Variants in WWOX observed in about 807,000 individuals in gnomAD.
WWOX encodes the protein WW domain containing oxidoreductase.
WWOX carries 69 observed loss-of-function variants against 46.2 expected under a neutral mutation model. The ratio of observed to expected loss-of-function variants is 1.49; its 90% CI spans 1.23 to 1.82. The LOEUF is 1.82. Ranked by LOEUF, WWOX falls within the 40% of genes most tolerant of loss-of-function variation. The probability of loss-of-function intolerance (pLI) is 0.00; values close to 1 mark genes in which losing one functional copy is unlikely to be tolerated. For synonymous variants in WWOX, 359 were observed against 202.6 expected, an observed-to-expected ratio of 1.77 and a Z score of -6.56; for missense variants, 919 against 542.6, an observed-to-expected ratio of 1.69 and a Z score of -6.89.
At chr16:78,619,387 C>G (rs1292924025) in intron 8 of WWOX, among the ~76,000 whole-genome samples, 2 of 130,522 alleles carry the variant, frequency 1.5e-5, no homozygotes, top group Non-Finnish European at 3.2e-5. Flanking sequence ...AAGTGTAATG[C>G]AAGTAGAAAA....
chr16:78,132,360 T>C (rs1024424824), intron 4 of WWOX, among the ~76,000 whole-genome samples: 19 of 152,122 alleles, frequency 1.2e-4, no homozygotes, highest in African/African-American at 4.6e-4. Flanking sequence ...CAATTATGCA[T>C]CTTCTGAGTA....
In WWOX at chr16:78,465,947, A is replaced by T. The variant is rs533116060; in HGVS notation, c.1056+33195A>T. On this transcript the variant is annotated intron_variant, in intron 8 of 8. Transcript: ENST00000566780. ...ATATGCAGAGTAGGCAAATTCATAA[A>T]GACAGAATACGCATCGGTGGTTTCT... 3.0e-4 allele frequency among the ~76,000 whole-genome samples: 46 copies of T among 152,328 alleles called. No homozygotes were observed. The South Asian group carries it at 9.3e-3, about 31-fold the overall frequency.
intron 5 of WWOX, chr16:78,267,269 A>G (rs962834261): frequency 2.0e-5 from 3 of 152,230 alleles, no homozygotes; most frequent in African/African-American, 7.2e-5. Context: ...AAAGGGGAGA[A>G]ATACTTTTTA....
In WWOX at chr16:78,863,933, C is replaced by G. The variant is rs527874943; in HGVS notation, c.1057-347675C>G. Among the ~76,000 whole-genome samples the G allele has an allele frequency of 5.9e-5, 9 of 152,144 alleles. No homozygotes were observed. In the South Asian group the frequency reaches 1.7e-3, roughly 28 times the overall value. Reference sequence around the variant, plus strand: ...AGCCACAGTTGTAGCATGTCCATCTCTCTTTGTGTGGCTGAATATCATTGC... The same window carrying G: ...AGCCACAGTTGTAGCATGTCCATCTGTCTTTGTGTGGCTGAATATCATTGC... On this transcript the variant is annotated intron_variant, in intron 8 of 8. Coordinates refer to ENST00000566780, the MANE Select transcript of WWOX (RefSeq NM_016373.4).
chr16:78,825,353 C>G, intron 8 of WWOX: 1 of 290,858 alleles, frequency 3.4e-6, no homozygotes, highest in Non-Finnish European at 7.0e-6. Context: ...GAATCAGTTT[C>G]TTACTCCGGA....
chr16:78,738,006 T>G (rs1004105867), intron 8 of WWOX, among the ~76,000 whole-genome samples: 1 of 152,170 alleles, frequency 6.6e-6, no homozygotes, highest in Non-Finnish European at 1.5e-5. Context: ...AGCAGGGGTT[T>G]CCCTGTCAGA....
Position 78,292,048 on chromosome 16 carries a change from G to T in WWOX, c.517-94812G>T, listed in dbSNP as rs142842081. Among the ~76,000 whole-genome samples the T allele has an allele frequency of 2.5e-4, 38 of 150,768 alleles. No homozygotes were observed. In the East Asian group the frequency reaches 7.3e-3, roughly 29 times the overall value. On this transcript the variant is annotated intron_variant, in intron 5 of 8. Transcript: ENST00000566780. ...CTGTTTTTTGTATGGCTTATGAGAT[G>T]AGGATGATTTTTACCTTTTTTTTTT...
rs201608857 is a variant in WWOX at position 78,325,910 on chromosome 16, A to AT, written c.517-60949dup. Among the ~76,000 whole-genome samples, 5 of 152,388 alleles carry AT rather than the reference A, an allele frequency of 3.3e-5. No homozygotes were observed. The East Asian group carries it at 9.6e-4, about 29-fold the overall frequency. On this transcript the variant is annotated intron_variant, in intron 5 of 8. Coordinates refer to ENST00000566780, the MANE Select transcript of WWOX (RefSeq NM_016373.4). ...AGTTAATCAAATTAAAGGCTATGAA[A>AT]TGATGCCCACTGTGGATCCTGTGCC...
intron 8 of WWOX, among the ~76,000 whole-genome samples, chr16:79,068,667 C>T (rs2048487492): frequency 6.6e-6 from 1 of 151,632 alleles, no homozygotes; most frequent in Non-Finnish European, 1.5e-5. Flanking sequence ...AAAAATTAGC[C>T]AGGCGTGGGG....
Position 78,246,845 on chromosome 16 carries a change from G to A in WWOX, c.516+82556G>A, listed in dbSNP as rs891984775. Among the ~76,000 whole-genome samples, 11 of 151,992 alleles carry A rather than the reference G, an allele frequency of 7.2e-5. 1 individual carries two copies. The highest frequency in any genetic ancestry group is 3.9e-4 in the East Asian group (2 of 5,154). ...GTGCGAGCAATTGATCAGCTGATGAGGGGTATTTATTATCTGTCCCTGACT... is the reference window on the plus strand; with the variant it reads ...GTGCGAGCAATTGATCAGCTGATGAAGGGTATTTATTATCTGTCCCTGACT... On this transcript the variant is annotated intron_variant, in intron 5 of 8. Transcript: ENST00000566780.
intron 8 of WWOX, among the ~76,000 whole-genome samples, chr16:78,679,657 C>A (rs957499070): frequency 1.3e-5 from 2 of 152,218 alleles, no homozygotes; most frequent in African/African-American, 4.8e-5. Flanking sequence ...ATTCCTGTTT[C>A]CTTGCCAGGA....
intron 8 of WWOX, among the ~76,000 whole-genome samples, chr16:79,173,107 A>C (rs1044908437): frequency 6.6e-6 from 1 of 152,220 alleles, no homozygotes; most frequent in Non-Finnish European, 1.5e-5. Flanking sequence ...CTTTCCCAAC[A>C]TAAAATCCAT....
In WWOX at chr16:78,187,334, A is replaced by G. The variant is rs1567619285; in HGVS notation, c.516+23045A>G. On this transcript the variant is annotated intron_variant, in intron 5 of 8. Transcript: ENST00000566780. ...TCAAGGAACTTAGTCTTTGAGGCCAAGCACGGTGGCTCATGTCTGTAATCC... is the reference window on the plus strand; with the variant it reads ...TCAAGGAACTTAGTCTTTGAGGCCAGGCACGGTGGCTCATGTCTGTAATCC... 5.9e-5 allele frequency among the ~76,000 whole-genome samples: 9 copies of G among 152,244 alleles called. 1 individual carries two copies. In the South Asian group the frequency reaches 1.9e-3, roughly 32 times the overall value.
At chr16:78,125,925 T>G (rs2033340661) in intron 4 of WWOX, among the ~76,000 whole-genome samples, 1 of 152,020 alleles carries the variant, frequency 6.6e-6, no homozygotes, top group African/African-American at 2.4e-5. Flanking sequence ...TTATGGAAAA[T>G]TTAGAAAGCG....
At chr16:78,900,117 T>A (rs2044792869) in intron 8 of WWOX, among the ~76,000 whole-genome samples, 1 of 151,804 alleles carries the variant, frequency 6.6e-6, no homozygotes, top group Admixed American at 6.6e-5. Flanking sequence ...CTATTTTATT[T>A]CTTTATTACT....
At chr16:78,921,013 TG>T (rs2045365892) in intron 8 of WWOX, among the ~76,000 whole-genome samples, 1 of 152,184 alleles carries the variant, frequency 6.6e-6, no homozygotes, top group Non-Finnish European at 1.5e-5. Context: ...GCTGTTTGCT[TG>T]ATATTAAGCT....
intron 5 of WWOX, among the ~76,000 whole-genome samples, chr16:78,286,009 C>G (rs1030080864): frequency 6.6e-6 from 1 of 152,166 alleles, no homozygotes; most frequent in Non-Finnish European, 1.5e-5. Context: ...ACTCTTTTGC[C>G]ACCTTTTTGG....
intron 4 of WWOX, among the ~76,000 whole-genome samples, chr16:78,127,039 A>G (rs2033391368): frequency 6.6e-6 from 1 of 152,208 alleles, no homozygotes. Context: ...GCAAGTTTCT[A>G]TCTGGAAAGA....
At chr16:78,750,654 C>G (rs141289101) in intron 8 of WWOX, among the ~76,000 whole-genome samples, 6 of 151,990 alleles carry the variant, frequency 3.9e-5, no homozygotes, top group South Asian at 2.1e-4. Context: ...CCTAGTCCCC[C>G]CTTTTGAAGT....
Sources: allele counts gnomAD v4.1 joint callset (sites outside exome capture counted in the v4.1 genomes callset), GRCh38; gene constraint gnomAD v4.1.1; transcripts MANE v1.5; gene names NCBI Gene and HGNC (gene_info 2026-07-23, HGNC 2026-07-21).